The following TAS2R1 variants were observed in gnomAD, a reference collection of about 807,000 sequenced individuals.
TAS2R1 encodes taste 2 receptor member 1.
For synonymous variants in TAS2R1, 141 were observed against 134.2 expected (o/e 1.05, Z -0.35); for missense variants, 370 against 353.4 (o/e 1.05, Z -0.38).
At chr5:9,652,003 G>A (rs748207936) in intron 2 of TAS2R1, among the ~76,000 whole-genome samples, 1 of 152,180 alleles carries the variant, frequency 6.6e-6, no homozygotes, top group Non-Finnish European at 1.5e-5. Flanking sequence ...CTCTGCATGA[G>A]TGTCAGAAGG....
the TAS2R1 span, among the ~76,000 whole-genome samples, chr5:9,734,478 A>G: frequency 1.3e-5 from 2 of 151,948 alleles, no homozygotes; most frequent in Non-Finnish European, 2.9e-5. Context: ...GAATCTACTT[A>G]GTACTGACTG....
the TAS2R1 span, among the ~76,000 whole-genome samples, chr5:9,832,529 CCT>C: frequency 3.3e-5 from 5 of 152,168 alleles, no homozygotes; most frequent in African/African-American, 9.7e-5. Context: ...TCTCTCAGCC[CCT>C]GTCGATAGGA....
At chr5:9,900,618 G>GGTTTT in the TAS2R1 span, among the ~76,000 whole-genome samples, 1 of 119,960 alleles carries the variant, frequency 8.3e-6, no homozygotes, top group African/African-American at 3.3e-5. Context: ...TGCTCAAATG[G>GGTTTT]TTTTTTTTTT....
At chr5:9,793,053 G>T in the TAS2R1 span, among the ~76,000 whole-genome samples, 32 of 152,292 alleles carry the variant, frequency 2.1e-4, no homozygotes, top group East Asian at 3.7e-3. Context: ...CTTTGCTCAA[G>T]TCCACCTATA....
At chr5:9,892,682 A>G in the TAS2R1 span, among the ~76,000 whole-genome samples, 50 of 152,084 alleles carry the variant, frequency 3.3e-4, no homozygotes, top group African/African-American at 1.1e-3. Flanking sequence ...CCCTCCACTG[A>G]CCCATATTTA....
chr5:9,771,539 T>A, the TAS2R1 span, among the ~76,000 whole-genome samples: 1 of 152,158 alleles, frequency 6.6e-6, no homozygotes, highest in Non-Finnish European at 1.5e-5. Flanking sequence ...TAGAATGAGT[T>A]TGAAAGTATT....
the TAS2R1 span, among the ~76,000 whole-genome samples, chr5:9,737,594 C>T: frequency 6.6e-6 from 1 of 152,286 alleles, no homozygotes; most frequent in East Asian, 1.9e-4. Flanking sequence ...TGAGCCCAGC[C>T]TGCCAGGTCA....
At chr5:9,724,349 T>C in the TAS2R1 span, among the ~76,000 whole-genome samples, 2 of 151,360 alleles carry the variant, frequency 1.3e-5, no homozygotes, top group Non-Finnish European at 2.9e-5. Context: ...TCTTTCTTTT[T>C]TTTTTTTTTT....
the TAS2R1 span, among the ~76,000 whole-genome samples, chr5:9,729,770 C>G: frequency 6.6e-6 from 1 of 152,102 alleles, no homozygotes; most frequent in Non-Finnish European, 1.5e-5. Context: ...ACAGAAACAA[C>G]AAGTGTATCT....
At chr5:9,862,313 C>T in the TAS2R1 span, among the ~76,000 whole-genome samples, 3 of 152,252 alleles carry the variant, frequency 2.0e-5, no homozygotes, top group East Asian at 5.8e-4. Context: ...AACCTTCCTG[C>T]TATTAAAAAT....
chr5:9,845,049 C>T, the TAS2R1 span, among the ~76,000 whole-genome samples: 1 of 152,168 alleles, frequency 6.6e-6, no homozygotes, highest in Non-Finnish European at 1.5e-5. Context: ...ATATTTGTGT[C>T]CCTCCAAAAT....
chr5:9,743,224 C>A, the TAS2R1 span, among the ~76,000 whole-genome samples: 2 of 152,096 alleles, frequency 1.3e-5, no homozygotes, highest in Non-Finnish European at 2.9e-5. Flanking sequence ...CCTTTTTTCT[C>A]TTCTGCCTCC....
chr5:9,878,681 AAGG>A, the TAS2R1 span, among the ~76,000 whole-genome samples: 8 of 152,236 alleles, frequency 5.3e-5, no homozygotes, highest in African/African-American at 1.9e-4. Context: ...GGGGAGAGAC[AAGG>A]AGGTCAGCTG....
At chr5:9,822,951 T>C in the TAS2R1 span, among the ~76,000 whole-genome samples, 1 of 143,114 alleles carries the variant, frequency 7.0e-6, no homozygotes, top group African/African-American at 2.6e-5. Flanking sequence ...CTGCAGGAAG[T>C]AGACAGCAAT....
At chr5:9,735,244 G>A in the TAS2R1 span, among the ~76,000 whole-genome samples, 39,546 of 151,266 alleles carry the variant, frequency 0.26, 6,444 homozygotes, top group East Asian at 0.45. Context: ...ACAATTCAAC[G>A]TGAGATTTGG....
At chr5:9,731,254 A>G in the TAS2R1 span, among the ~76,000 whole-genome samples, 40 of 152,118 alleles carry the variant, frequency 2.6e-4, no homozygotes, top group East Asian at 6.2e-3. Context: ...AACGTCATCT[A>G]TCACCTGAAC....
At chr5:9,773,987 C>T in the TAS2R1 span, among the ~76,000 whole-genome samples, 1 of 152,108 alleles carries the variant, frequency 6.6e-6, no homozygotes, top group Non-Finnish European at 1.5e-5. Flanking sequence ...TCTGTTATTA[C>T]CCTGTTGAAC....
chr5:9,873,956 AAAAG>A, the TAS2R1 span, among the ~76,000 whole-genome samples: 1 of 149,370 alleles, frequency 6.7e-6, no homozygotes, highest in Non-Finnish European at 1.5e-5. Context: ...AGACAGAAAG[AAAAG>A]AGAGAGAGAG....
chr5:9,874,207 T>C, the TAS2R1 span, among the ~76,000 whole-genome samples: 1 of 152,238 alleles, frequency 6.6e-6, no homozygotes, highest in South Asian at 2.1e-4. Flanking sequence ...TTTCCTGGCT[T>C]GGTGGCAGAA....
Sources: allele counts gnomAD v4.1 joint callset (sites outside exome capture counted in the v4.1 genomes callset), GRCh38; gene constraint gnomAD v4.1.1; transcripts MANE v1.5; gene names NCBI Gene and HGNC (gene_info 2026-07-23, HGNC 2026-07-21).